The following UNC13C variants were observed in gnomAD, a reference collection of about 807,000 sequenced individuals.
UNC13C encodes the protein unc-13 homolog C.
Under a neutral mutation model 245.4 loss-of-function variants are expected in UNC13C, and 174 were observed. The observed-to-expected ratio is 0.71, with a 90% CI of 0.63 to 0.80. The LOEUF (loss-of-function observed/expected upper bound fraction) is 0.80. Among genes scored for constraint, UNC13C ranks in the 30% least tolerant of loss-of-function variants. The pLI is 0.00. For synonymous variants in UNC13C, 992 were observed against 895.1 expected (o/e 1.11, Z -1.93); for missense variants, 2,829 against 2,602.9 (o/e 1.09, Z -1.89).
chr15:54,448,910 T>C (rs1202172504), intron 19 of UNC13C, among the ~76,000 whole-genome samples: 1 of 152,334 alleles, frequency 6.6e-6, no homozygotes, highest in South Asian at 2.1e-4. Flanking sequence ...CAGTGGCTGG[T>C]ACCGGTTGTT....
intron 13 of UNC13C, among the ~76,000 whole-genome samples, chr15:54,317,985 C>G (rs1189781945): frequency 6.6e-6 from 1 of 151,952 alleles, no homozygotes; most frequent in Non-Finnish European, 1.5e-5. Flanking sequence ...TGAGATCATG[C>G]TGTATTTGTC....
At chr15:54,439,063 A>G (rs538521001) in intron 19 of UNC13C, among the ~76,000 whole-genome samples, 5 of 152,052 alleles carry the variant, frequency 3.3e-5, no homozygotes, top group Non-Finnish European at 5.9e-5. Context: ...GGACAACATT[A>G]TCTTCCCATA....
At chr15:53,871,762 C>T in the UNC13C span, among the ~76,000 whole-genome samples, 1 of 152,182 alleles carries the variant, frequency 6.6e-6, no homozygotes, top group Non-Finnish European at 1.5e-5. Flanking sequence ...TTTCTTCATG[C>T]TCGCCTAGCA....
At chr15:54,381,367 T>G (rs1312400382) in intron 17 of UNC13C, among the ~76,000 whole-genome samples, 1 of 152,172 alleles carries the variant, frequency 6.6e-6, no homozygotes, top group Non-Finnish European at 1.5e-5. Context: ...TAGTATATTT[T>G]GAAGTCAGGT....
intron 19 of UNC13C, among the ~76,000 whole-genome samples, chr15:54,429,395 G>C (rs2040822842): frequency 6.6e-6 from 1 of 151,608 alleles, no homozygotes; most frequent in South Asian, 2.1e-4. Context: ...CTTTTTAAAA[G>C]TGTAATGATT....
At chr15:53,873,401 C>G in the UNC13C span, among the ~76,000 whole-genome samples, 138,882 of 152,148 alleles carry the variant, frequency 0.91, 64,790 homozygotes, top group East Asian at 1. Context: ...CTCGCAAGAT[C>G]GCTCAACTTG....
chr15:54,469,028 C>T (rs1163228809), intron 19 of UNC13C, among the ~76,000 whole-genome samples: 1 of 151,540 alleles, frequency 6.6e-6, no homozygotes, highest in African/African-American at 2.4e-5. Flanking sequence ...GATTTTAGCA[C>T]TATGGACATT....
intron 17 of UNC13C, among the ~76,000 whole-genome samples, chr15:54,388,751 C>A (rs2039891461): frequency 6.6e-6 from 1 of 152,036 alleles, no homozygotes; most frequent in South Asian, 2.1e-4. Context: ...AAGGTTTTGT[C>A]TGTGGTCACA....
At chr15:54,471,605 A>G (rs899133773) in intron 19 of UNC13C, among the ~76,000 whole-genome samples, 1 of 151,592 alleles carries the variant, frequency 6.6e-6, no homozygotes, top group Non-Finnish European at 1.5e-5. Context: ...AGACCTAACT[A>G]TATGCTATAT....
At chr15:54,446,476 T>G (rs1221573962) in intron 19 of UNC13C, among the ~76,000 whole-genome samples, 3 of 152,160 alleles carry the variant, frequency 2.0e-5, no homozygotes, top group African/African-American at 7.2e-5. Flanking sequence ...TCGTTGAACA[T>G]TGGTTTCTAG....
intron 17 of UNC13C, among the ~76,000 whole-genome samples, chr15:54,387,343 T>G (rs2039860666): frequency 6.6e-6 from 1 of 152,176 alleles, no homozygotes; most frequent in South Asian, 2.1e-4. Context: ...AACTGAGGGT[T>G]TCTTTCCTTT....
Position 54,093,526 on chromosome 15 carries a change from A to G in UNC13C, c.2984-49492A>G, listed in dbSNP as rs377474127. 4.0e-4 allele frequency among the ~76,000 whole-genome samples: 61 copies of G among 152,368 alleles called. 1 individual carries two copies. The South Asian group carries it at 0.011, about 27-fold the overall frequency. On this transcript the variant is annotated intron_variant, in intron 2 of 32. Transcript: ENST00000260323. The stretch of plus-strand genomic sequence containing the variant: ...TAATGTTGCTTTCTTGAGCAGTTTA[A>G]TGAGAACATCTTTTATTTTTAAATG...
chr15:54,464,679 C>T (rs1892070950), intron 19 of UNC13C, among the ~76,000 whole-genome samples: 1 of 151,884 alleles, frequency 6.6e-6, no homozygotes, highest in Non-Finnish European at 1.5e-5. Context: ...CTTAGATTCC[C>T]GATAGCAGTC....
chr15:53,957,666 G>A, the UNC13C span, among the ~76,000 whole-genome samples: 3 of 152,176 alleles, frequency 2.0e-5, no homozygotes, highest in African/African-American at 7.2e-5. Flanking sequence ...TGAGGAGATT[G>A]ATATAAGTAC....
intron 1 of UNC13C, among the ~76,000 whole-genome samples, chr15:54,007,872 T>C (rs1244378915): frequency 6.6e-6 from 1 of 152,138 alleles, no homozygotes; most frequent in South Asian, 2.1e-4. Context: ...AGGCCAGGAC[T>C]TGGGGAGGTG....
At chr15:53,887,812 T>C in the UNC13C span, among the ~76,000 whole-genome samples, 1 of 152,216 alleles carries the variant, frequency 6.6e-6, no homozygotes, top group Non-Finnish European at 1.5e-5. Flanking sequence ...TGTTTGGTTT[T>C]CTATTCTTGT....
chr15:54,509,068 G>A (rs1312403116), intron 23 of UNC13C, among the ~76,000 whole-genome samples: 3 of 152,178 alleles, frequency 2.0e-5, no homozygotes, highest in Middle Eastern at 3.4e-3. Flanking sequence ...GTGTGGTGGC[G>A]TGCACCTGTA....
At chr15:53,957,595 A>G in the UNC13C span, among the ~76,000 whole-genome samples, 4 of 150,562 alleles carry the variant, frequency 2.7e-5, no homozygotes, top group Non-Finnish European at 4.4e-5. Context: ...ATAGTAGTAC[A>G]GTAAAAAATC....
chr15:54,191,024 AT>A (rs1423137049), intron 4 of UNC13C, among the ~76,000 whole-genome samples: 1 of 152,042 alleles, frequency 6.6e-6, no homozygotes, highest in East Asian at 1.9e-4. Context: ...TAGTTCCTCA[AT>A]TTTTTAGTTT....
Sources: allele counts gnomAD v4.1 joint callset (sites outside exome capture counted in the v4.1 genomes callset), GRCh38; gene constraint gnomAD v4.1.1; transcripts MANE v1.5; gene names NCBI Gene and HGNC (gene_info 2026-07-23, HGNC 2026-07-21).